SMU1: variants seen among roughly 807,000 people sequenced by gnomAD.
The protein encoded by SMU1 is WD40 repeat-containing protein SMU1.
A neutral mutation model predicts 62.0 loss-of-function variants in SMU1; 2 were observed. That is an observed-to-expected ratio of 0.03 (90% CI 0.01 to 0.10). The LOEUF is 0.10. SMU1 is among the 10% of genes least tolerant of loss of function. The pLI is 1.00. For missense variants in SMU1, 227 were observed against 622.1 expected (o/e 0.36, Z 6.76); for synonymous variants, 188 against 212.4 (o/e 0.89, Z 1.00).
chr9:33,048,084 G>T (rs532936995), intron 11 of SMU1, 22 bp downstream of exon 11: 4 of 1,607,394 alleles, frequency 2.5e-6, no homozygotes, highest in East Asian at 2.2e-5. Context: ...TTCTTTAGAT[G>T]AACTTAGTAA....
At position 33,045,420 on chromosome 9, in the gene SMU1, A is replaced by G. The variant is rs191823332; in HGVS notation, c.*1873T>C. The G allele has an allele frequency of 2.6e-5, 4 of 152,374 alleles. No homozygotes were observed. Among genetic ancestry groups the G allele is most frequent in the South Asian group, 2.1e-4 (1 of 4,832 alleles). 9.4% of individuals were successfully genotyped at this position (152,374 alleles called of 1,614,324 possible). On this transcript the variant is annotated 3_prime_UTR_variant, in exon 12 of 12. Transcript: ENST00000397149. ...CAAAAAGCTGCAGGTTTTGTGGCAA[A>G]TGGGAAATGTGTTATAGAATATGAC...
rs113605017 is a variant in SMU1 at position 33,051,589 on chromosome 9, C to T, written c.1290+1534G>A. ...GGACAGAAGAAATATGGGAACCGTC[C>T]GTATTTTCTGCTCAATTTTGCTGTG... On this transcript the variant is annotated intron_variant, in intron 10 of 11. Coordinates refer to ENST00000397149, the MANE Select transcript of SMU1 (RefSeq NM_018225.3). 4.3e-3 allele frequency among the ~76,000 whole-genome samples: 655 copies of T among 152,218 alleles called. 3 individuals are homozygous for T. The highest frequency in any genetic ancestry group is 0.015 in the African/African-American group (625 of 41,526).
intron 10 of SMU1, among the ~76,000 whole-genome samples, chr9:33,050,965 C>T (rs1416871815): frequency 9.8e-6 from 1 of 102,474 alleles, no homozygotes; most frequent in Non-Finnish European, 2.1e-5. Flanking sequence ...ACTAAAAATA[C>T]AAAAAATTAG....
intron 5 of SMU1, 132 bp from the exon 6 acceptor site, chr9:33,060,716 G>C: frequency 1.2e-5 from 13 of 1,102,800 alleles, no homozygotes; most frequent in Non-Finnish European, 1.7e-5. Context: ...GTATTGGAGG[G>C]GTATTTCTGT....
rs1220472245 is a variant in SMU1, at chr9:33,056,818, T to C, written c.995+19A>G. On this transcript the variant is annotated intron_variant, in intron 8 of 11. Transcript: ENST00000397149. ...TTATATCAAACTCAAGTGAGAGCAG[T>C]TTTGGGATTTTTACTTACCTAATTG... 6.2e-7 allele frequency: 1 copy of C among 1,608,310 alleles called. No individual in the cohort carries two copies. Among genetic ancestry groups the C allele is most frequent in the Non-Finnish European group, 8.5e-7 (1 of 1,178,378 alleles).
chr9:33,057,637 T>C lies in SMU1; in HGVS notation c.828A>G (p.Thr276=). Residue 276 remains threonine, a synonymous_variant, in exon 7 of 12, where the codon ACA becomes ACG. Coordinates refer to ENST00000397149, the MANE Select transcript of SMU1 (RefSeq NM_018225.3). ...CTTGGGCCCCAGTTGCTAACATTTC[T>C]GTATCTCTGCTGAAACACATGCAGA... The part of the protein sequence containing the change: ...AVLCMCFSRD[T]EMLATGAQDG... The C allele has an allele frequency of 6.2e-7, 1 of 1,614,010 alleles. No individual in the cohort carries two copies. Among genetic ancestry groups the C allele is most frequent in the African/African-American group, 1.3e-5 (1 of 75,062 alleles).
chr9:33,074,472 T>C (rs151313650), intron 1 of SMU1, among the ~76,000 whole-genome samples: 54 of 151,408 alleles, frequency 3.6e-4, no homozygotes, highest in African/African-American at 1.3e-3. Flanking sequence ...TAGCTAGGCA[T>C]GATAGTGTGT....
At chr9:33,073,856 C>T in intron 1 of SMU1, 50 bp from the exon 2 acceptor site, 1 of 1,531,830 alleles carries the variant, frequency 6.5e-7, no homozygotes, top group Non-Finnish European at 9.0e-7. Flanking sequence ...CACCAGAGGT[C>T]AAAAATAAAG....
At chr9:33,072,838 ACAAAAAAAAAAACCCGTAAACAAAAAC>A (rs1350636681) in intron 2 of SMU1, among the ~76,000 whole-genome samples, 1 of 150,326 alleles carries the variant, frequency 6.7e-6, no homozygotes, top group Non-Finnish European at 1.5e-5. Flanking sequence ...CAAAAAAAAA[ACAAAAAAAAAAACCCGTAAACAAAAAC>A]CAAAAACCAA....
At chr9:33,053,368 AGTTTACT>A in intron 9 of SMU1, 78 bp from the exon 10 acceptor site, 1 of 1,362,514 alleles carries the variant, frequency 7.3e-7, no homozygotes, top group Admixed American at 2.5e-5. Flanking sequence ...AAATATTAAC[AGTTTACT>A]AAAAAAGAAT....
intron 1 of SMU1, among the ~76,000 whole-genome samples, chr9:33,076,208 G>T (rs1438338462): frequency 6.6e-6 from 1 of 152,198 alleles, no homozygotes; most frequent in African/African-American, 2.4e-5. Flanking sequence ...CATTGCATAA[G>T]CTGGACAGGG....
At chr9:33,072,721 C>T (rs955887930) in intron 2 of SMU1, among the ~76,000 whole-genome samples, 19 of 147,320 alleles carry the variant, frequency 1.3e-4, no homozygotes, top group South Asian at 4.4e-4. Context: ...CCCAGCTACT[C>T]GGGAGGCTGA....
In SMU1 at chr9:33,071,812, T is replaced by C. The variant is rs1839490408; in HGVS notation, c.318A>G (p.Leu106=). 5.0e-6 allele frequency: 8 copies of C among 1,609,446 alleles called. No homozygotes were observed. In the East Asian group the frequency reaches 1.8e-4, roughly 36 times the overall value. The part of the protein sequence containing the change: ...LLRQTDPMIM[L]KQTQPERYIH... ...TATATCGCTCTGGCTGTGTTTGTTT[T>C]AACATGATCATGGGATCAGTCTGTC... Residue 106 remains leucine, a synonymous_variant, in exon 3 of 12, where the codon TTA becomes TTG. Transcript: ENST00000397149.
At chr9:33,073,869 T>C in intron 1 of SMU1, 63 bp from the exon 2 acceptor site, 1 of 1,443,006 alleles carries the variant, frequency 6.9e-7, no homozygotes, top group Admixed American at 1.8e-5. Context: ...AAATAAAGCC[T>C]ATCAAGCTCC....
Position 33,076,623 on chromosome 9 carries a change from G to C in SMU1, c.-15C>G, listed in dbSNP as rs757269390. On this transcript the variant is annotated 5_prime_UTR_variant, in exon 1 of 12. Transcript: ENST00000397149. ...TCGATCGACATAGCCGTATCTCTCC[G>C]GGAGCAGGCCCCAGCTCTCCCTCAA... 9 of 1,613,838 alleles carry C rather than the reference G, an allele frequency of 5.6e-6. No individual in the cohort carries two copies. Among genetic ancestry groups the C allele is most frequent in the Non-Finnish European group, 5.9e-6 (7 of 1,180,032 alleles).
intron 9 of SMU1, among the ~76,000 whole-genome samples, chr9:33,054,267 C>T (rs539345852): frequency 5.9e-5 from 9 of 151,966 alleles, no homozygotes; most frequent in Non-Finnish European, 1.3e-4. Flanking sequence ...GATCCTCTCA[C>T]TTCAGCCTTC....
rs59706602 is a variant in SMU1, at chr9:33,060,187, A to AT, written c.750+277dup. On this transcript the variant is annotated intron_variant, in intron 6 of 11. Transcript: ENST00000397149. ...GCATGCATGGTTAATTTAAAAAAAA[A>AT]TTTTTTTTGGTAGAGACGCGGTCTC... Among the ~76,000 whole-genome samples the AT allele has an allele frequency of 9.0e-3, 1,368 of 151,752 alleles. 18 individuals are homozygous for AT. The highest frequency in any genetic ancestry group is 0.024 in the Middle Eastern group (7 of 292).
At chr9:33,066,505 T>TTAAA (rs560965659) in intron 4 of SMU1, among the ~76,000 whole-genome samples, 1 of 100,148 alleles carries the variant, frequency 1.0e-5, no homozygotes, top group African/African-American at 3.7e-5. Flanking sequence ...TCCATTTAAT[T>TTAAA]AAAAAAAAAA....
At chr9:33,074,039 A>T (rs1021376930) in intron 1 of SMU1, among the ~76,000 whole-genome samples, 8 of 152,240 alleles carry the variant, frequency 5.3e-5, no homozygotes, top group Non-Finnish European at 1.2e-4. Context: ...TCAGCTAGAA[A>T]GGGAGTTGGT....
Sources: gnomAD v4.1 joint callset for allele counts (sites outside exome capture counted in the v4.1 genomes callset) on GRCh38, gnomAD v4.1.1 for gene constraint, MANE v1.5 for transcripts, NCBI Gene and HGNC (gene_info 2026-07-23, HGNC 2026-07-21) for gene names.